The following PDE4D variants were observed in gnomAD, a reference collection of about 807,000 sequenced individuals.
PDE4D encodes 3',5'-cyclic-AMP phosphodiesterase 4D.
A neutral mutation model predicts 87.4 loss-of-function variants in PDE4D; 24 were observed. The ratio of observed to expected loss-of-function variants is 0.27; its 90% CI spans 0.20 to 0.39. PDE4D has a LOEUF of 0.39. Among genes scored for constraint, PDE4D ranks in the 10% least tolerant of loss-of-function variants. PDE4D has a pLI of 1.00. For missense variants in PDE4D, 714 were observed against 1,041.0 expected (o/e 0.69, Z 4.32); for synonymous variants, 384 against 383.2 (o/e 1.00, Z -0.02).
At chr5:59,491,355 T>A (rs530342358) in intron 1 of PDE4D, among the ~76,000 whole-genome samples, 2 of 152,356 alleles carry the variant, frequency 1.3e-5, no homozygotes, top group South Asian at 4.1e-4. Flanking sequence ...CCCTTCTTTC[T>A]TGTTTTCTTG....
intron 2 of PDE4D, among the ~76,000 whole-genome samples, chr5:60,042,215 A>G (rs1158225930): frequency 2.0e-5 from 3 of 152,140 alleles, no homozygotes; most frequent in Non-Finnish European, 4.4e-5. Context: ...GCTCAGCTCC[A>G]CAAAGCCACT....
chr5:59,394,296 TG>T (rs1788869141), intron 1 of PDE4D, among the ~76,000 whole-genome samples: 1 of 152,222 alleles, frequency 6.6e-6, no homozygotes, highest in South Asian at 2.1e-4. Context: ...TGTCATAGTT[TG>T]TGAAAGGGAA....
At chr5:60,008,487 G>A (rs1245333783) in intron 2 of PDE4D, among the ~76,000 whole-genome samples, 1 of 151,924 alleles carries the variant, frequency 6.6e-6, no homozygotes, top group Non-Finnish European at 1.5e-5. Flanking sequence ...ACAGCTTTAG[G>A]TATTCTTCAC....
At chr5:59,518,967 C>T (rs1031264838) in intron 1 of PDE4D, among the ~76,000 whole-genome samples, 6 of 152,150 alleles carry the variant, frequency 3.9e-5, no homozygotes, top group African/African-American at 1.2e-4. Context: ...GGCTACAGGC[C>T]GGTGTTATCT....
At chr5:59,492,052 G>A (rs1473842589) in intron 1 of PDE4D, among the ~76,000 whole-genome samples, 1 of 152,142 alleles carries the variant, frequency 6.6e-6, no homozygotes, top group African/African-American at 2.4e-5. Flanking sequence ...GCACACAGGT[G>A]TTGATCTTAA....
At chr5:59,905,007 C>T (rs1752670475) in intron 3 of PDE4D, among the ~76,000 whole-genome samples, 2 of 152,096 alleles carry the variant, frequency 1.3e-5, no homozygotes, top group Admixed American at 1.3e-4. Context: ...GCTCTGTCTT[C>T]TTACAGAGTT....
chr5:60,518,200 C>G (rs1750887983), intron 1 of PDE4D, among the ~76,000 whole-genome samples: 1 of 152,226 alleles, frequency 6.6e-6, no homozygotes, highest in African/African-American at 2.4e-5. Context: ...TGTTCACATA[C>G]CCCTTGCCTT....
intron 6 of PDE4D, among the ~76,000 whole-genome samples, chr5:59,029,977 C>T (rs1453641636): frequency 6.6e-6 from 1 of 152,076 alleles, no homozygotes; most frequent in African/African-American, 2.4e-5. Context: ...AACTGGATGT[C>T]CACCTGCAGA....
chr5:59,578,245 A>G (rs1335238107), intron 1 of PDE4D, among the ~76,000 whole-genome samples: 3 of 152,130 alleles, frequency 2.0e-5, no homozygotes. Context: ...AGGAAATCTC[A>G]CATTTTCAAA....
chr5:60,307,589 G>A (rs1411273179), intron 1 of PDE4D, among the ~76,000 whole-genome samples: 2 of 152,034 alleles, frequency 1.3e-5, no homozygotes, highest in East Asian at 1.9e-4. Flanking sequence ...ATGGCCCATA[G>A]AACACGCCAA....
intron 1 of PDE4D, among the ~76,000 whole-genome samples, chr5:60,227,060 T>A (rs1208920937): frequency 2.0e-5 from 3 of 152,074 alleles, no homozygotes; most frequent in African/African-American, 4.8e-5. Flanking sequence ...AACAGATAGA[T>A]ATATAGATAG....
chr5:59,048,867 T>C (rs1159978252), intron 5 of PDE4D, among the ~76,000 whole-genome samples: 1 of 152,222 alleles, frequency 6.6e-6, no homozygotes, highest in Non-Finnish European at 1.5e-5. Context: ...TGTGTATTTC[T>C]AGATTCATAT....
At chr5:59,366,783 C>A (rs1783132144) in intron 1 of PDE4D, among the ~76,000 whole-genome samples, 1 of 152,052 alleles carries the variant, frequency 6.6e-6, no homozygotes, top group South Asian at 2.1e-4. Context: ...GAAAAAAATT[C>A]AACTTCAATA....
intron 1 of PDE4D, among the ~76,000 whole-genome samples, chr5:59,836,579 C>T (rs1025001579): frequency 6.6e-6 from 1 of 151,352 alleles, no homozygotes; most frequent in East Asian, 1.9e-4. Context: ...CATTTTGAGG[C>T]TATACTCACT....
At chr5:59,785,429 A>C (rs905665012) in intron 1 of PDE4D, among the ~76,000 whole-genome samples, 2 of 152,214 alleles carry the variant, frequency 1.3e-5, no homozygotes, top group African/African-American at 4.8e-5. Context: ...ACTAGGTTCT[A>C]AGAATGTATT....
At chr5:59,197,791 A>G (rs538158098) in intron 2 of PDE4D, among the ~76,000 whole-genome samples, 2 of 152,348 alleles carry the variant, frequency 1.3e-5, no homozygotes, top group Admixed American at 1.3e-4. Context: ...GTGGGTTTTA[A>G]TGAACTGAAT....
At chr5:59,393,945 C>G (rs1788763763) in intron 1 of PDE4D, among the ~76,000 whole-genome samples, 1 of 152,156 alleles carries the variant, frequency 6.6e-6, no homozygotes, top group South Asian at 2.1e-4. Flanking sequence ...AAAACAAGTT[C>G]ATTCTATAAG....
chr5:60,364,040 C>A (rs1760311994), intron 1 of PDE4D, among the ~76,000 whole-genome samples: 1 of 152,158 alleles, frequency 6.6e-6, no homozygotes, highest in African/African-American at 2.4e-5. Flanking sequence ...TAAGTTGTAA[C>A]TATGCAAATA....
intron 1 of PDE4D, among the ~76,000 whole-genome samples, chr5:60,414,646 G>A (rs1742330954): frequency 6.6e-6 from 1 of 152,168 alleles, no homozygotes; most frequent in Non-Finnish European, 1.5e-5. Flanking sequence ...CAGTTTGCTG[G>A]TTAACACTCC....
Sources: allele counts gnomAD v4.1 joint callset (sites outside exome capture counted in the v4.1 genomes callset), GRCh38; gene constraint gnomAD v4.1.1; transcripts MANE v1.5; gene names NCBI Gene and HGNC (gene_info 2026-07-23, HGNC 2026-07-21).